The following ARB2A variants were observed in gnomAD, a reference collection of about 807,000 sequenced individuals.
ARB2A encodes the protein cotranscriptional regulator ARB2A.
At chr5:93,982,605 T>A in the ARB2A span, among the ~76,000 whole-genome samples, 7 of 152,314 alleles carry the variant, frequency 4.6e-5, no homozygotes, top group East Asian at 7.7e-4. Flanking sequence ...ATGAACATCA[T>A]AGACTGCACT....
At chr5:93,677,489 A>G in the ARB2A span, among the ~76,000 whole-genome samples, 110 of 152,334 alleles carry the variant, frequency 7.2e-4, no homozygotes, top group African/African-American at 2.6e-3. Flanking sequence ...GCGTGCTGCC[A>G]CATTCTGCTG....
the ARB2A span, among the ~76,000 whole-genome samples, chr5:93,957,926 T>G: frequency 1.2e-3 from 180 of 151,452 alleles, 1 homozygote; most frequent in African/African-American, 4.2e-3. Context: ...TACAAAAGAC[T>G]TTTTACTTTT....
the ARB2A span, among the ~76,000 whole-genome samples, chr5:94,103,029 G>A: frequency 2.6e-5 from 4 of 152,008 alleles, no homozygotes; most frequent in African/African-American, 9.7e-5. Context: ...CACTAAATAT[G>A]AAATTGAAAG....
the ARB2A span, among the ~76,000 whole-genome samples, chr5:94,028,082 C>T: frequency 6.6e-6 from 1 of 152,182 alleles, no homozygotes; most frequent in Non-Finnish European, 1.5e-5. Flanking sequence ...AAAGAAAAAA[C>T]AGTTTGAGGT....
chr5:93,899,533 T>G, the ARB2A span, among the ~76,000 whole-genome samples: 1 of 152,118 alleles, frequency 6.6e-6, no homozygotes, highest in Non-Finnish European at 1.5e-5. Context: ...GAACAAGATT[T>G]TTTGCTTTTA....
the ARB2A span, among the ~76,000 whole-genome samples, chr5:93,731,844 T>G: frequency 6.6e-6 from 1 of 152,180 alleles, no homozygotes; most frequent in Non-Finnish European, 1.5e-5. Flanking sequence ...GAATATTGAT[T>G]TTTAAATGCA....
chr5:94,016,225 CA>C, the ARB2A span, among the ~76,000 whole-genome samples: 8 of 152,218 alleles, frequency 5.3e-5, no homozygotes, highest in African/African-American at 1.4e-4. Flanking sequence ...GTCAATTCAG[CA>C]AAAGGAGATA....
the ARB2A span, among the ~76,000 whole-genome samples, chr5:93,906,761 C>A: frequency 6.6e-6 from 1 of 151,366 alleles, no homozygotes. Flanking sequence ...CTGCTAACCC[C>A]AAAAAGACTC....
chr5:93,770,192 GGCTGTGCAACCACCT>G, the ARB2A span, among the ~76,000 whole-genome samples: 3 of 152,116 alleles, frequency 2.0e-5, no homozygotes, highest in African/African-American at 7.2e-5. Flanking sequence ...TTTTTACTCA[GGCTGTGCAACCACCT>G]GCTGTGCAAC....
the ARB2A span, among the ~76,000 whole-genome samples, chr5:94,067,880 G>C: frequency 6.6e-6 from 1 of 152,120 alleles, no homozygotes; most frequent in African/African-American, 2.4e-5. Context: ...TGAGCAAAAG[G>C]AACACAGCTG....
At chr5:93,772,654 G>T in the ARB2A span, among the ~76,000 whole-genome samples, 1 of 152,146 alleles carries the variant, frequency 6.6e-6, no homozygotes, top group Non-Finnish European at 1.5e-5. Context: ...TACAATCAAG[G>T]TGTTGGCTGG....
chr5:93,991,727 A>G, the ARB2A span, among the ~76,000 whole-genome samples: 1 of 152,112 alleles, frequency 6.6e-6, no homozygotes, highest in Non-Finnish European at 1.5e-5. Flanking sequence ...GCTCCCTCAA[A>G]TAAAAGATTG....
At chr5:93,632,002 C>T in the ARB2A span, among the ~76,000 whole-genome samples, 2 of 152,260 alleles carry the variant, frequency 1.3e-5, no homozygotes, top group South Asian at 4.1e-4. Context: ...AGAGAGTTTT[C>T]TCAGAATTCC....
chr5:94,076,611 A>T, the ARB2A span, among the ~76,000 whole-genome samples: 3 of 152,212 alleles, frequency 2.0e-5, no homozygotes, highest in Non-Finnish European at 4.4e-5. Context: ...TCTGCAAGGG[A>T]TATATATTTC....
chr5:93,769,429 T>A, the ARB2A span, among the ~76,000 whole-genome samples: 12 of 152,206 alleles, frequency 7.9e-5, no homozygotes, highest in African/African-American at 2.7e-4. Flanking sequence ...AGGTACTTCA[T>A]CAACCTTTGG....
chr5:93,857,353 C>T, the ARB2A span, among the ~76,000 whole-genome samples: 3 of 152,162 alleles, frequency 2.0e-5, no homozygotes, highest in South Asian at 6.2e-4. Flanking sequence ...GAGGTTACTG[C>T]TGTCTTTTTG....
the ARB2A span, among the ~76,000 whole-genome samples, chr5:93,925,841 G>A: frequency 3.9e-5 from 6 of 152,154 alleles, no homozygotes; most frequent in Non-Finnish European, 7.4e-5. Context: ...TAAAATTTGA[G>A]GAAGAGGTCT....
At chr5:93,913,739 A>G in the ARB2A span, among the ~76,000 whole-genome samples, 1 of 151,996 alleles carries the variant, frequency 6.6e-6, no homozygotes, top group African/African-American at 2.4e-5. Flanking sequence ...TTTAATATTC[A>G]CTTTTAAGCC....
chr5:93,904,307 T>C, the ARB2A span, among the ~76,000 whole-genome samples: 1 of 151,894 alleles, frequency 6.6e-6, no homozygotes, highest in African/African-American at 2.4e-5. Context: ...ATACCTGATA[T>C]CTTTTAAGTA....
Sources: allele counts gnomAD v4.1 joint callset (sites outside exome capture counted in the v4.1 genomes callset), GRCh38; gene constraint gnomAD v4.1.1; transcripts MANE v1.5; gene names NCBI Gene and HGNC (gene_info 2026-07-23, HGNC 2026-07-21).